Variants in GRM7 observed in about 807,000 individuals in gnomAD.
The protein encoded by GRM7 is metabotropic glutamate receptor 7.
A neutral mutation model predicts 84.5 loss-of-function variants in GRM7; 35 were observed. The ratio of observed to expected loss-of-function variants is 0.41; its 90% CI spans 0.32 to 0.55. GRM7 has a LOEUF of 0.55. Ranked by LOEUF, GRM7 falls within the 20% of genes least tolerant of loss-of-function variation. GRM7 has a pLI of 0.19. For missense variants in GRM7, 1,003 were observed against 1,194.6 expected, an observed-to-expected ratio of 0.84 and a Z score of 2.36; for synonymous variants, 487 against 455.1, an observed-to-expected ratio of 1.07 and a Z score of -0.89.
chr3:7,162,729 A>T (rs113784832), intron 2 of GRM7, among the ~76,000 whole-genome samples: 1,881 of 54,698 alleles, frequency 0.034, 58 homozygotes, highest in African/African-American at 0.096. Context: ...CCCATTTTTC[A>T]TTTTTTTTTT....
chr3:7,732,674 A>G (rs1702373216), intron 9 of GRM7, among the ~76,000 whole-genome samples: 2 of 152,158 alleles, frequency 1.3e-5, no homozygotes, highest in Non-Finnish European at 2.9e-5. Flanking sequence ...GTTCATTAGA[A>G]AGCTAAATAA....
intron 8 of GRM7, among the ~76,000 whole-genome samples, chr3:7,661,532 C>A (rs756766676): frequency 8.5e-5 from 13 of 152,060 alleles, no homozygotes; most frequent in Non-Finnish European, 1.8e-4. Context: ...CGGTGGCTCA[C>A]GCCTGTAATC....
intron 4 of GRM7, among the ~76,000 whole-genome samples, chr3:7,365,147 A>G (rs1443713147): frequency 6.6e-6 from 1 of 151,750 alleles, no homozygotes; most frequent in East Asian, 1.9e-4. Flanking sequence ...TTGCTGCCAA[A>G]CGAATTTTTT....
intron 5 of GRM7, among the ~76,000 whole-genome samples, chr3:7,431,397 T>A (rs1490609198): frequency 6.6e-6 from 1 of 152,140 alleles, no homozygotes; most frequent in Non-Finnish European, 1.5e-5. Context: ...AAGCAATAGT[T>A]CCTTCTTAGT....
intron 8 of GRM7, among the ~76,000 whole-genome samples, chr3:7,664,424 A>G (rs1425343972): frequency 2.0e-5 from 3 of 152,156 alleles, no homozygotes; most frequent in African/African-American, 7.2e-5. Flanking sequence ...AAGGGGTCAG[A>G]CTTTTCTCAC....
intron 9 of GRM7, among the ~76,000 whole-genome samples, chr3:7,708,860 TAAATATAAAC>T (rs918552218): frequency 2.0e-5 from 3 of 151,716 alleles, no homozygotes; most frequent in Non-Finnish European, 2.9e-5. Context: ...AATTTATACA[TAAATATAAAC>T]AAATATAAAA....
chr3:6,888,774 C>A (rs1481355264), intron 1 of GRM7, among the ~76,000 whole-genome samples: 1 of 152,126 alleles, frequency 6.6e-6, no homozygotes, highest in Non-Finnish European at 1.5e-5. Context: ...TGAAGAAAAT[C>A]ATTGGTAGCT....
intron 1 of GRM7, among the ~76,000 whole-genome samples, chr3:6,911,330 C>CT (rs2125017549): frequency 6.6e-6 from 1 of 152,086 alleles, no homozygotes; most frequent in Admixed American, 6.6e-5. Flanking sequence ...TGCTTATTTA[C>CT]TTTTTAGAAT....
chr3:7,364,580 C>T (rs1693801719), intron 4 of GRM7, among the ~76,000 whole-genome samples: 1 of 151,478 alleles, frequency 6.6e-6, no homozygotes, highest in Admixed American at 6.6e-5. Flanking sequence ...ATCAGACTGA[C>T]TTTTTGTTTT....
In GRM7 at chr3:6,928,359, G is replaced by C. The variant is rs1697385737; in HGVS notation, c.519+66452G>C. On this transcript the variant is annotated intron_variant, in intron 1 of 9. Transcript: ENST00000357716. The surrounding 1 kb of genome is among the most constrained non-coding windows in gnomAD (Gnocchi z 4.5). Reference sequence around the variant, plus strand: ...TTTACTATTTGGCACTGGTCCTGCAGGAAGGTGGCAATGTTACTCACACAG... The same window carrying C: ...TTTACTATTTGGCACTGGTCCTGCACGAAGGTGGCAATGTTACTCACACAG... Among the ~76,000 whole-genome samples the C allele has an allele frequency of 6.6e-6, 1 of 152,104 alleles. No homozygotes were observed. Among genetic ancestry groups the C allele is most frequent in the South Asian group, 2.1e-4 (1 of 4,828 alleles).
At chr3:7,430,314 T>C (rs1452567269) in intron 5 of GRM7, among the ~76,000 whole-genome samples, 3 of 152,212 alleles carry the variant, frequency 2.0e-5, no homozygotes, top group African/African-American at 7.2e-5. Flanking sequence ...ATGTTCAGCT[T>C]CTAAGATGTT....
chr3:7,047,903 C>G (rs145327397), intron 1 of GRM7, among the ~76,000 whole-genome samples: 23 of 152,100 alleles, frequency 1.5e-4, no homozygotes, highest in African/African-American at 5.1e-4. Context: ...CTTCACAATT[C>G]TACTAATGTC....
intron 9 of GRM7, among the ~76,000 whole-genome samples, chr3:7,735,982 C>A (rs1702486193): frequency 6.6e-6 from 1 of 152,150 alleles, no homozygotes; most frequent in African/African-American, 2.4e-5. Context: ...TATAAATTTA[C>A]CAACTTATAT....
At chr3:7,416,218 G>T (rs532439715) in intron 5 of GRM7, among the ~76,000 whole-genome samples, 1 of 152,078 alleles carries the variant, frequency 6.6e-6, no homozygotes, top group African/African-American at 2.4e-5. Flanking sequence ...TAGGATGTAC[G>T]TGGGACTTGG....
rs201226929 is a variant in GRM7 at position 7,643,331 on chromosome 3, C to A, written c.2452-36718C>A. Among the ~76,000 whole-genome samples the A allele has an allele frequency of 3.3e-5, 5 of 150,902 alleles. No homozygotes were observed. In the East Asian group the frequency reaches 5.9e-4, roughly 18 times the overall value. ...CGCAGGGAGCCCAATGAAAAACAAA[C>A]AAAAAAAACAAAACAGGGCACTAAT... On this transcript the variant is annotated intron_variant, in intron 8 of 9. Transcript: ENST00000357716.
At chr3:7,046,812 A>G (rs113671460) in intron 1 of GRM7, among the ~76,000 whole-genome samples, 38 of 152,234 alleles carry the variant, frequency 2.5e-4, no homozygotes, top group African/African-American at 8.9e-4. Context: ...GAAAGCCTGC[A>G]TCAGTCATTC....
intron 1 of GRM7, among the ~76,000 whole-genome samples, chr3:6,958,030 G>A (rs1361461428): frequency 2.6e-5 from 4 of 152,056 alleles, no homozygotes; most frequent in African/African-American, 9.7e-5. Flanking sequence ...AAATTTACAT[G>A]TAATACACGG....
intron 1 of GRM7, among the ~76,000 whole-genome samples, chr3:6,895,057 T>A (rs2124992603): frequency 6.6e-6 from 1 of 152,294 alleles, no homozygotes; most frequent in African/African-American, 2.4e-5. Context: ...GAAAAGCCGC[T>A]CTTTCTGGGT....
At chr3:7,311,611 T>TTTTTG (rs1169592236) in intron 4 of GRM7, among the ~76,000 whole-genome samples, 1 of 151,474 alleles carries the variant, frequency 6.6e-6, no homozygotes, top group African/African-American at 2.4e-5. Context: ...TTTTTTTTTT[T>TTTTTG]GGGATGGAGT....
Sources: gnomAD v4.1 joint callset for allele counts (sites outside exome capture counted in the v4.1 genomes callset) on GRCh38, gnomAD v4.1.1 for gene constraint, Gnocchi (gnomAD v3.1) non-coding constraint, MANE v1.5 for transcripts, NCBI Gene and HGNC (gene_info 2026-07-23, HGNC 2026-07-21) for gene names.